GULP1: variants seen among roughly 807,000 people sequenced by gnomAD.
GULP1 encodes PTB domain-containing engulfment adapter protein 1.
Under a neutral mutation model 40.9 loss-of-function variants are expected in GULP1, and 19 were observed. The ratio of observed to expected loss-of-function variants is 0.46; its 90% confidence interval spans 0.32 to 0.68. The LOEUF (loss-of-function observed/expected upper bound fraction) is 0.68, where lower values mean the gene tolerates loss of function less well. Among genes scored for constraint, GULP1 ranks in the 30% least tolerant of loss-of-function variants. The probability of loss-of-function intolerance (pLI) is 0.03; values close to 1 mark genes in which losing one functional copy is unlikely to be tolerated. For missense variants in GULP1, 312 were observed against 362.2 expected (o/e 0.86, Z 1.12); for synonymous variants, 119 against 117.6 (o/e 1.01, Z -0.08).
At chr2:188,558,427 G>A (rs1314638628) in intron 7 of GULP1, among the ~76,000 whole-genome samples, 1 of 152,174 alleles carries the variant, frequency 6.6e-6, no homozygotes, top group South Asian at 2.1e-4. Flanking sequence ...GGCCTCCACA[G>A]CCATGGGGAA....
chr2:188,533,143 T>A (rs1688004852), intron 6 of GULP1, among the ~76,000 whole-genome samples: 1 of 152,142 alleles, frequency 6.6e-6, no homozygotes, highest in Non-Finnish European at 1.5e-5. Flanking sequence ...TAAGGATAAT[T>A]TTTTTTCATT....
chr2:188,353,529 C>G (rs573024398), intron 1 of GULP1, among the ~76,000 whole-genome samples: 28 of 152,178 alleles, frequency 1.8e-4, no homozygotes, highest in African/African-American at 6.3e-4. Flanking sequence ...CAGAGCTACT[C>G]CATCTACCCA....
At chr2:188,509,458 A>G (rs750786960) in intron 4 of GULP1, among the ~76,000 whole-genome samples, 8 of 152,128 alleles carry the variant, frequency 5.3e-5, no homozygotes, top group African/African-American at 1.2e-4. Flanking sequence ...AAAGAAATCA[A>G]TAAATCTGCA....
At chr2:188,502,973 C>G (rs770499286) in intron 4 of GULP1, among the ~76,000 whole-genome samples, 1 of 151,788 alleles carries the variant, frequency 6.6e-6, no homozygotes, top group Non-Finnish European at 1.5e-5. Context: ...GCAGAAAGGA[C>G]AGATGGGCAA....
At chr2:188,380,305 G>A (rs2048852778) in intron 1 of GULP1, among the ~76,000 whole-genome samples, 1 of 152,162 alleles carries the variant, frequency 6.6e-6, no homozygotes, top group Admixed American at 6.6e-5. Flanking sequence ...TAAGGCATGT[G>A]TACTTTGTGC....
At chr2:188,336,066 A>G (rs1160523693) in intron 1 of GULP1, among the ~76,000 whole-genome samples, 2 of 152,206 alleles carry the variant, frequency 1.3e-5, no homozygotes, top group African/African-American at 4.8e-5. Flanking sequence ...CTCTTTACAT[A>G]TATGATTATA....
intron 2 of GULP1, among the ~76,000 whole-genome samples, chr2:188,437,071 T>C (rs190385420): frequency 2.1e-4 from 32 of 152,246 alleles, no homozygotes; most frequent in African/African-American, 7.5e-4. Flanking sequence ...AATATGTCCT[T>C]GTTTTTAGTA....
intron 2 of GULP1, among the ~76,000 whole-genome samples, chr2:188,436,619 CATT>C (rs2057432371): frequency 1.3e-5 from 2 of 152,078 alleles, no homozygotes; most frequent in South Asian, 4.1e-4. Flanking sequence ...AAAAAAGAGA[CATT>C]AAAATTTGTA....
intron 2 of GULP1, among the ~76,000 whole-genome samples, chr2:188,441,882 T>G (rs1245525585): frequency 6.6e-6 from 1 of 152,084 alleles, no homozygotes; most frequent in Admixed American, 6.5e-5. Context: ...GCAACAGATC[T>G]AAAATGGCTT....
At chr2:188,546,021 C>G (rs1691855680) in intron 7 of GULP1, among the ~76,000 whole-genome samples, 1 of 151,754 alleles carries the variant, frequency 6.6e-6, no homozygotes, top group Non-Finnish European at 1.5e-5. Context: ...GGGACCAGTT[C>G]CCAAGAAGAT....
At chr2:188,408,924 T>TA (rs1280659608) in intron 2 of GULP1, among the ~76,000 whole-genome samples, 1 of 151,986 alleles carries the variant, frequency 6.6e-6, no homozygotes, top group African/African-American at 2.4e-5. Flanking sequence ...AATTGAAAAT[T>TA]AAAAAATATC....
At chr2:188,505,261 T>C (rs2063794016) in intron 4 of GULP1, among the ~76,000 whole-genome samples, 1 of 151,788 alleles carries the variant, frequency 6.6e-6, no homozygotes, top group Non-Finnish European at 1.5e-5. Context: ...CTTCCACAAC[T>C]ATCCTGTAGC....
At chr2:188,361,586 A>G (rs2046094218) in intron 1 of GULP1, among the ~76,000 whole-genome samples, 2 of 151,988 alleles carry the variant, frequency 1.3e-5, no homozygotes, top group African/African-American at 4.8e-5. Flanking sequence ...TATGGAGGAC[A>G]CCCTTGGAAA....
At chr2:188,473,477 C>G (rs1278811133) in intron 2 of GULP1, among the ~76,000 whole-genome samples, 1 of 152,162 alleles carries the variant, frequency 6.6e-6, no homozygotes, top group East Asian at 1.9e-4. Context: ...TGTGGCTGAG[C>G]TGAAACCACA....
intron 1 of GULP1, among the ~76,000 whole-genome samples, chr2:188,317,200 A>T (rs2039224955): frequency 1.3e-5 from 2 of 152,150 alleles, no homozygotes; most frequent in Admixed American, 1.3e-4. Context: ...CATAGGAAGG[A>T]ATTACGTAAT....
At chr2:188,444,755 A>T (rs897458715) in intron 2 of GULP1, among the ~76,000 whole-genome samples, 2 of 152,186 alleles carry the variant, frequency 1.3e-5, no homozygotes, top group Non-Finnish European at 1.5e-5. Context: ...TACATTTTAT[A>T]TTGAAATTCT....
intron 4 of GULP1, among the ~76,000 whole-genome samples, chr2:188,495,726 T>TA (rs1220630337): frequency 1.3e-5 from 2 of 151,836 alleles, no homozygotes; most frequent in Admixed American, 6.6e-5. Context: ...GGACATTAAA[T>TA]AAAAAAAATC....
rs543564812 is a variant in GULP1, at chr2:188,503,504, C to T, written c.91-19252C>T. Among the ~76,000 whole-genome samples, 75 of 151,928 alleles carry T rather than the reference C, an allele frequency of 4.9e-4. No homozygotes were observed. The South Asian group carries it at 0.015, about 29-fold the overall frequency. ...CATGAAAACAACATGGAGGAAACTG[C>T]CCCCCGTGATCCATCACCTCCCACC... On this transcript the variant is annotated intron_variant, in intron 4 of 11. Transcript: ENST00000409830.
intron 1 of GULP1, among the ~76,000 whole-genome samples, chr2:188,337,287 C>T (rs151282940): frequency 2.0e-3 from 307 of 151,858 alleles, no homozygotes; most frequent in African/African-American, 5.3e-3. Context: ...TACAGGCATG[C>T]GCCACCACGC....
Sources: allele counts gnomAD v4.1 joint callset (sites outside exome capture counted in the v4.1 genomes callset), GRCh38; gene constraint gnomAD v4.1.1; transcripts MANE v1.5; gene names NCBI Gene and HGNC (gene_info 2026-07-23, HGNC 2026-07-21).